Variants in RORA observed in about 807,000 individuals in gnomAD.
RORA encodes RAR related orphan receptor A.
In RORA, 7 loss-of-function variants were observed where a neutral mutation model predicts 69.5. That is an observed-to-expected ratio of 0.10 (90% CI 0.06 to 0.19). RORA has a LOEUF of 0.19. Ranked by LOEUF, RORA falls within the 10% of genes least tolerant of loss-of-function variation. The pLI is 1.00. For synonymous variants in RORA, 261 were observed against 240.8 expected (o/e 1.08, Z -0.78); for missense variants, 457 against 663.0 (o/e 0.69, Z 3.41).
intron 1 of RORA, among the ~76,000 whole-genome samples, chr15:60,713,447 G>A (rs533062412): frequency 2.0e-5 from 3 of 152,158 alleles, no homozygotes; most frequent in African/African-American, 7.2e-5. Context: ...AGTTCTCAGA[G>A]AACACTGAAT....
At chr15:60,627,139 T>C (rs1163868367) in intron 2 of RORA, 20 of 1,015,712 alleles carry the variant, frequency 2.0e-5, no homozygotes, top group Non-Finnish European at 2.8e-5. Context: ...TCAGATATTC[T>C]TGGAGAACTG....
At chr15:61,116,690 A>C (rs900948039) in intron 1 of RORA, among the ~76,000 whole-genome samples, 5 of 152,234 alleles carry the variant, frequency 3.3e-5, no homozygotes, top group Admixed American at 3.3e-4. Context: ...AGGCTCTGAG[A>C]GAGGTGAACT....
At chr15:60,686,287 A>G (rs1452697925) in intron 1 of RORA, among the ~76,000 whole-genome samples, 1 of 152,250 alleles carries the variant, frequency 6.6e-6, no homozygotes, top group Non-Finnish European at 1.5e-5. Flanking sequence ...ATCTTCAGAC[A>G]AAACTTATTT....
intron 1 of RORA, among the ~76,000 whole-genome samples, chr15:60,799,399 C>G (rs2072546375): frequency 6.6e-6 from 1 of 152,108 alleles, no homozygotes; most frequent in South Asian, 2.1e-4. Flanking sequence ...CTTTTTATGG[C>G]TAGCCTGAAA....
intron 1 of RORA, among the ~76,000 whole-genome samples, chr15:60,722,952 C>T (rs955756826): frequency 6.6e-6 from 1 of 152,136 alleles, no homozygotes; most frequent in African/African-American, 2.4e-5. Context: ...GAGCATGTTG[C>T]CACTGACCCT....
chr15:61,209,596 T>C (rs1465628142), intron 1 of RORA, among the ~76,000 whole-genome samples: 1 of 152,212 alleles, frequency 6.6e-6, no homozygotes, highest in Non-Finnish European at 1.5e-5. Flanking sequence ...TATTAGAAGG[T>C]GGGGCCTCTA....
chr15:61,180,974 T>G (rs1371747592), intron 1 of RORA, among the ~76,000 whole-genome samples: 1 of 151,850 alleles, frequency 6.6e-6, no homozygotes, highest in Non-Finnish European at 1.5e-5. Context: ...TGTGGTGGTG[T>G]GCACCTATAA....
intron 1 of RORA, among the ~76,000 whole-genome samples, chr15:60,933,973 C>A (rs148331072): frequency 4.6e-5 from 7 of 152,202 alleles, no homozygotes; most frequent in Non-Finnish European, 7.3e-5. Flanking sequence ...TGATGAGAAG[C>A]GCATTGGAGT....
At position 61,229,081 on chromosome 15, in the gene RORA, G is replaced by C; in HGVS notation, c.138C>G (p.Arg46=). Reference sequence around the variant, plus strand: ...TGCTGGTGCTGGAATAGCTCTGTCTGCGCACCGGGGCAGGCGGCTCGCTCT... The same window carrying C: ...TGCTGGTGCTGGAATAGCTCTGTCTCCGCACCGGGGCAGGCGGCTCGCTCT... ...ARKSEPPAPV[R]RQSYSSTSRG... Residue 46 remains arginine, a synonymous_variant, in exon 1 of 11, where the codon CGC becomes CGG. Coordinates refer to ENST00000335670, the MANE Select transcript of RORA (RefSeq NM_134261.3). 1 of 1,537,212 alleles carries C rather than the reference G, an allele frequency of 6.5e-7. No individual in the cohort carries two copies. The highest frequency in any genetic ancestry group is 8.8e-7 in the Non-Finnish European group (1 of 1,142,104).
chr15:60,579,414 GA>G (rs550731624), intron 2 of RORA, among the ~76,000 whole-genome samples: 115 of 151,930 alleles, frequency 7.6e-4, no homozygotes, highest in African/African-American at 2.7e-3. Context: ...TTCACGTAAA[GA>G]AGATTTAAAA....
intron 7 of RORA, 81 bp downstream of exon 7, chr15:60,503,454 C>T: frequency 5.5e-6 from 8 of 1,456,690 alleles, no homozygotes; most frequent in Non-Finnish European, 6.6e-6. Context: ...TTCCCGACAC[C>T]TTCCTTACCA....
At chr15:60,924,513 A>C (rs761844395) in intron 1 of RORA, among the ~76,000 whole-genome samples, 1 of 151,778 alleles carries the variant, frequency 6.6e-6, no homozygotes, top group Non-Finnish European at 1.5e-5. Flanking sequence ...GCCTGTAATC[A>C]TACTTCTGCT....
At chr15:61,193,768 G>A (rs1237784987) in intron 1 of RORA, among the ~76,000 whole-genome samples, 1 of 152,142 alleles carries the variant, frequency 6.6e-6, no homozygotes, top group African/African-American at 2.4e-5. Context: ...GACCCAGAGA[G>A]GCTCAATCAT....
intron 2 of RORA, among the ~76,000 whole-genome samples, chr15:60,575,314 A>G (rs1328979701): frequency 6.6e-6 from 1 of 152,246 alleles, no homozygotes; most frequent in Non-Finnish European, 1.5e-5. Context: ...ACAATCCTGT[A>G]AAGGCTGATA....
chr15:60,752,182 G>C (rs2071733579), intron 1 of RORA, among the ~76,000 whole-genome samples: 1 of 152,128 alleles, frequency 6.6e-6, no homozygotes. Context: ...ATCAGGCAGA[G>C]AGAAGCGTCT....
At chr15:61,123,290 G>A (rs771288674) in intron 1 of RORA, among the ~76,000 whole-genome samples, 2 of 152,128 alleles carry the variant, frequency 1.3e-5, no homozygotes, top group Non-Finnish European at 2.9e-5. Context: ...CCAATGAGGC[G>A]AGGGGGGAGC....
intron 1 of RORA, among the ~76,000 whole-genome samples, chr15:60,922,959 C>G (rs1295406912): frequency 2.0e-5 from 3 of 152,208 alleles, no homozygotes; most frequent in Admixed American, 6.5e-5. Context: ...TCCGGGAAGA[C>G]AGACAAGGTG....
At chr15:61,121,847 A>T (rs1310463360) in intron 1 of RORA, among the ~76,000 whole-genome samples, 1 of 130,416 alleles carries the variant, frequency 7.7e-6, no homozygotes, top group East Asian at 2.0e-4. Context: ...ATGACTTCCT[A>T]TAAAAAAAAA....
intron 1 of RORA, among the ~76,000 whole-genome samples, chr15:61,090,142 G>A (rs183121820): frequency 3.3e-5 from 5 of 152,318 alleles, no homozygotes; most frequent in Admixed American, 2.0e-4. Flanking sequence ...CTAGAGTGGG[G>A]TAAAGTGAGG....
Sources: allele counts gnomAD v4.1 joint callset (sites outside exome capture counted in the v4.1 genomes callset), GRCh38; gene constraint gnomAD v4.1.1; transcripts MANE v1.5; gene names NCBI Gene and HGNC (gene_info 2026-07-23, HGNC 2026-07-21).